DCC: variants seen among roughly 807,000 people sequenced by gnomAD.
DCC encodes the protein DCC netrin 1 receptor, also known as netrin receptor DCC.
A neutral mutation model predicts 172.5 loss-of-function variants in DCC; 58 were observed. That is an observed-to-expected ratio of 0.34 (90% CI 0.27 to 0.42). DCC has a LOEUF of 0.42. DCC is among the 10% of genes least tolerant of loss of function. DCC has a pLI of 1.00. For missense variants in DCC, 1,740 were observed against 1,791.0 expected, an observed-to-expected ratio of 0.97 and a Z score of 0.51; for synonymous variants, 709 against 644.5, an observed-to-expected ratio of 1.10 and a Z score of -1.52.
At chr18:52,369,437 C>T (rs1358104891) in intron 1 of DCC, among the ~76,000 whole-genome samples, 1 of 151,824 alleles carries the variant, frequency 6.6e-6, no homozygotes, top group African/African-American at 2.4e-5. Flanking sequence ...GAGAAGTGTC[C>T]ATTTCTTACC....
intron 8 of DCC, among the ~76,000 whole-genome samples, chr18:53,165,703 T>C (rs1440651432): frequency 2.0e-5 from 3 of 152,206 alleles, no homozygotes; most frequent in Non-Finnish European, 4.4e-5. Context: ...CATCCACAAA[T>C]GTCATATATA....
At chr18:52,925,425 C>A in intron 5 of DCC, 55 bp downstream of exon 5, 1 of 1,556,036 alleles carries the variant, frequency 6.4e-7, no homozygotes, top group Non-Finnish European at 8.9e-7. Flanking sequence ...TATATCACCG[C>A]GACATTTTAA....
intron 1 of DCC, among the ~76,000 whole-genome samples, chr18:52,654,815 G>A (rs62083447): frequency 0.026 from 4,028 of 152,186 alleles, 84 homozygotes; most frequent in Middle Eastern, 0.061. Context: ...GAGACCCCAA[G>A]CTTGAAATCC....
chr18:53,512,122 T>G (rs9964811), intron 27 of DCC, among the ~76,000 whole-genome samples: 76,558 of 151,756 alleles, frequency 0.5, 20,722 homozygotes, highest in East Asian at 0.75. Context: ...TCTGAGAACG[T>G]GCAGACTGCC....
chr18:53,428,190 G>T lies in DCC; in HGVS notation c.3164-6954G>T, dbSNP rs1275387092. On this transcript the variant is annotated intron_variant, in intron 21 of 28. Coordinates refer to ENST00000442544, the MANE Select transcript of DCC (RefSeq NM_005215.4). ...TATATAATATGTAATATATAATATA[G>T]AATATATAATATTATATATAAGTAT... Among the ~76,000 whole-genome samples, 15 of 25,268 alleles carry T rather than the reference G, an allele frequency of 5.9e-4. 3 individuals are homozygous for T. Among genetic ancestry groups the T allele is most frequent in the South Asian group, 3.2e-3 (3 of 928 alleles). 16.6% of individuals were successfully genotyped at this position (25,268 alleles called of 152,430 possible). A position where few individuals can be genotyped will look rare whatever the true frequency, so the allele number is the denominator to read the frequency against.
chr18:52,666,865 C>CT (rs896037410), intron 1 of DCC, among the ~76,000 whole-genome samples: 6 of 152,026 alleles, frequency 3.9e-5, no homozygotes, highest in South Asian at 2.1e-4. Context: ...CCAGAAAATA[C>CT]TTTTTTTTCC....
intron 2 of DCC, among the ~76,000 whole-genome samples, chr18:52,828,586 T>A (rs1568129768): frequency 1.3e-5 from 2 of 152,138 alleles, no homozygotes; most frequent in Non-Finnish European, 2.9e-5. Flanking sequence ...GTCTTTGTTG[T>A]CATTGTGAAT....
At chr18:52,779,799 A>G (rs545016142) in intron 2 of DCC, among the ~76,000 whole-genome samples, 8 of 152,168 alleles carry the variant, frequency 5.3e-5, no homozygotes, top group Non-Finnish European at 1.2e-4. Flanking sequence ...ATTTCTTCAT[A>G]TCCTCTCCAG....
rs17755142 is a variant in DCC at position 52,510,511 on chromosome 18, C to T, written c.91+169633C>T. On this transcript the variant is annotated intron_variant, in intron 1 of 28. Coordinates refer to ENST00000442544, the MANE Select transcript of DCC (RefSeq NM_005215.4). ...CTGGGTTGCCCCTTAGAGCTTGATA[C>T]TTTAATGCTCTATTTTCCTGGAGAA... is the stretch of plus-strand genomic sequence containing the variant. 2.4e-3 allele frequency among the ~76,000 whole-genome samples: 364 copies of T among 152,252 alleles called. 13 individuals are homozygous for T. The East Asian group carries it at 0.065, about 27-fold the overall frequency.
At chr18:52,829,822 A>AC (rs1319137765) in intron 2 of DCC, among the ~76,000 whole-genome samples, 5 of 152,296 alleles carry the variant, frequency 3.3e-5, no homozygotes, top group Non-Finnish European at 7.3e-5. Flanking sequence ...GGCAAAATAT[A>AC]CCAGGTGTTA....
intron 12 of DCC, among the ~76,000 whole-genome samples, chr18:53,256,813 T>C (rs1362913028): frequency 2.6e-5 from 4 of 152,248 alleles, no homozygotes; most frequent in African/African-American, 9.6e-5. Context: ...AGTATGGCCA[T>C]TTTTACAATA....
Position 53,428,533 on chromosome 18 carries a change from A to G in DCC, c.3164-6611A>G, listed in dbSNP as rs1229593019. On this transcript the variant is annotated intron_variant, in intron 21 of 28. Transcript: ENST00000442544. Reference sequence around the variant, plus strand: ...TTTTATATATTTTATATATTTATGTATTTTATATATATATAAATATATTTA... The same window carrying G: ...TTTTATATATTTTATATATTTATGTGTTTTATATATATATAAATATATTTA... 9.9e-5 allele frequency among the ~76,000 whole-genome samples: 4 copies of G among 40,260 alleles called. 1 individual carries two copies. The highest frequency in any genetic ancestry group is 2.7e-4 in the African/African-American group (4 of 14,674). 26.4% of individuals were successfully genotyped at this position (40,260 alleles called of 152,430 possible). A position where few individuals can be genotyped will look rare whatever the true frequency, so the allele number is the denominator to read the frequency against.
At chr18:53,442,644 T>A (rs1912345572) in intron 22 of DCC, among the ~76,000 whole-genome samples, 1 of 152,214 alleles carries the variant, frequency 6.6e-6, no homozygotes, top group South Asian at 2.1e-4. Context: ...AAGCTGGAAA[T>A]GATTAGGCTT....
chr18:52,934,363 T>C (rs558849028), intron 5 of DCC, among the ~76,000 whole-genome samples: 2 of 152,102 alleles, frequency 1.3e-5, no homozygotes, highest in African/African-American at 2.4e-5. Flanking sequence ...GTTTTATGTA[T>C]TTCACTTTTT....
At chr18:53,517,857 TTA>T (rs1274458193) in intron 27 of DCC, among the ~76,000 whole-genome samples, 3 of 152,128 alleles carry the variant, frequency 2.0e-5, no homozygotes, top group African/African-American at 7.2e-5. Flanking sequence ...GTTGCAAAAT[TTA>T]TAGTTTGAAA....
intron 2 of DCC, among the ~76,000 whole-genome samples, chr18:52,761,727 C>G (rs111937972): frequency 5.3e-5 from 8 of 151,854 alleles, no homozygotes; most frequent in Non-Finnish European, 1.0e-4. Context: ...AAAGACAGAG[C>G]CTTAGCCTCA....
intron 2 of DCC, among the ~76,000 whole-genome samples, chr18:52,763,717 T>C (rs1024414279): frequency 6.6e-6 from 1 of 152,222 alleles, no homozygotes; most frequent in African/African-American, 2.4e-5. Flanking sequence ...CACCACTATC[T>C]AATTCCATAA....
chr18:53,321,540 T>C (rs1433458954), intron 13 of DCC, among the ~76,000 whole-genome samples: 2 of 152,142 alleles, frequency 1.3e-5, no homozygotes, highest in African/African-American at 4.8e-5. Flanking sequence ...TGGAAGCTAA[T>C]GCAAAACAAA....
chr18:52,352,009 G>A (rs1477902071), intron 1 of DCC, among the ~76,000 whole-genome samples: 1 of 152,040 alleles, frequency 6.6e-6, no homozygotes, highest in African/African-American at 2.4e-5. Context: ...CATAGCCTAG[G>A]GGGAAAAAGC....
Sources: gnomAD v4.1 joint callset for allele counts (sites outside exome capture counted in the v4.1 genomes callset) on GRCh38, gnomAD v4.1.1 for gene constraint, MANE v1.5 for transcripts, NCBI Gene and HGNC (gene_info 2026-07-23, HGNC 2026-07-21) for gene names.